Variants in AGBL1 observed in about 807,000 individuals in gnomAD.
AGBL1 encodes the protein AGBL carboxypeptidase 1, also known as cytosolic carboxypeptidase 4.
In AGBL1, 130 loss-of-function variants were observed where a neutral mutation model predicts 118.9. That is an observed-to-expected ratio of 1.09 (90% CI 0.95 to 1.26). The LOEUF (loss-of-function observed/expected upper bound fraction) is 1.26. AGBL1 is among the 50% of genes most tolerant of loss of function. AGBL1 has a pLI of 0.00. For missense variants in AGBL1, 1,584 were observed against 1,298.1 expected (o/e 1.22, Z -3.38); for synonymous variants, 555 against 478.9 (o/e 1.16, Z -2.08).
intron 18 of AGBL1, among the ~76,000 whole-genome samples, chr15:86,413,142 A>C (rs1245659922): frequency 6.6e-6 from 1 of 152,180 alleles, no homozygotes; most frequent in East Asian, 1.9e-4. Flanking sequence ...GACATCTTAC[A>C]TTTCAACAAA....
chr15:86,854,695 G>A (rs903804502), intron 22 of AGBL1, among the ~76,000 whole-genome samples: 1 of 152,096 alleles, frequency 6.6e-6, no homozygotes, highest in African/African-American at 2.4e-5. Flanking sequence ...AAAGGCCATT[G>A]ATAAATGTTC....
chr15:86,294,402 C>CAAA (rs35878636), intron 16 of AGBL1, among the ~76,000 whole-genome samples: 7 of 63,558 alleles, frequency 1.1e-4, no homozygotes, highest in African/African-American at 1.3e-4. Flanking sequence ...GACTTTGTCT[C>CAAA]AAAAAAAAAA....
At chr15:86,266,490 G>A (rs2079074268) in intron 12 of AGBL1, 33 bp downstream of exon 12, 3 of 1,473,824 alleles carry the variant, frequency 2.0e-6, no homozygotes, top group Non-Finnish European at 2.8e-6. Context: ...GGAAGGTGGG[G>A]CATGGAGAAT....
intron 18 of AGBL1, among the ~76,000 whole-genome samples, chr15:86,488,681 C>A (rs2142137579): frequency 6.6e-6 from 1 of 152,112 alleles, no homozygotes; most frequent in Middle Eastern, 3.4e-3. Flanking sequence ...TTTTCCATTC[C>A]TCCCTACATA....
At chr15:86,764,762 A>T (rs1468222171) in intron 22 of AGBL1, among the ~76,000 whole-genome samples, 1 of 152,084 alleles carries the variant, frequency 6.6e-6, no homozygotes, top group African/African-American at 2.4e-5. Flanking sequence ...AACTTATTTT[A>T]TAACTACGAA....
In AGBL1 at chr15:86,454,975, G is replaced by A. The variant is rs1032518219; in HGVS notation, c.2555+57429G>A. On this transcript the variant is annotated intron_variant, in intron 18 of 22. Coordinates refer to ENST00000614907, the MANE Select transcript of AGBL1 (RefSeq NM_001386094.1). The stretch of plus-strand genomic sequence containing the variant: ...TCCCACTGAAATCTTCAGTGGTCAA[G>A]CCGTCTGTCTACAGGCAGACTATTG... 3.3e-5 allele frequency among the ~76,000 whole-genome samples: 5 copies of A among 152,244 alleles called. No individual in the cohort carries two copies. In the East Asian group the frequency reaches 9.7e-4, roughly 29 times the overall value.
rs533885530 is a variant in AGBL1 at position 86,893,368 on chromosome 15, G to A, written c.3159-13719G>A. On this transcript the variant is annotated intron_variant, in intron 22 of 22. Transcript: ENST00000614907. ...TGATAAAAAGAATCCGCAAAACTGC[G>A]TTTAAATCACCATCAACATTAAGGA... is the stretch of plus-strand genomic sequence containing the variant. 1.5e-4 allele frequency among the ~76,000 whole-genome samples: 23 copies of A among 152,266 alleles called. No homozygotes were observed. The South Asian group carries it at 3.9e-3, about 26-fold the overall frequency.
At chr15:86,201,688 A>G (rs34683341) in intron 5 of AGBL1, among the ~76,000 whole-genome samples, 4 of 152,080 alleles carry the variant, frequency 2.6e-5, no homozygotes, top group Admixed American at 1.3e-4. Context: ...GGGGAGCACA[A>G]TGGAGCAGTG....
chr15:86,665,002 C>T (rs2085617714), intron 21 of AGBL1, among the ~76,000 whole-genome samples: 2 of 152,040 alleles, frequency 1.3e-5, no homozygotes, highest in African/African-American at 4.8e-5. Context: ...GCAACCTCAT[C>T]GCGCATTTCT....
intron 23 of AGBL1, among the ~76,000 whole-genome samples, chr15:86,976,661 C>A (rs1207445790): frequency 1.3e-5 from 2 of 151,868 alleles, no homozygotes; most frequent in Non-Finnish European, 2.9e-5. Flanking sequence ...AGATGTAATA[C>A]CCAGCTCAAC....
At chr15:86,453,206 C>T (rs771682094) in intron 18 of AGBL1, among the ~76,000 whole-genome samples, 10 of 152,188 alleles carry the variant, frequency 6.6e-5, no homozygotes, top group Admixed American at 2.6e-4. Context: ...TGAATGAATA[C>T]GTGCTAAAGA....
chr15:86,118,905 T>A (rs896453944), intron 1 of AGBL1, among the ~76,000 whole-genome samples: 2 of 152,190 alleles, frequency 1.3e-5, no homozygotes, highest in African/African-American at 4.8e-5. Context: ...CATCCACTGC[T>A]TACCAGACAG....
chr15:86,947,838 G>A lies in AGBL1; in HGVS notation c.3222-40149G>A, dbSNP rs140566556. ...AAATAATTCATACAGATTATCTGAC[G>A]TTGTTTTTTCCTTTAGATTTTACAT... On this transcript the variant is annotated intron_variant, in intron 23 of 24. Coordinates refer to the AGBL1 transcript ENST00000441037. Among the ~76,000 whole-genome samples the A allele has an allele frequency of 1.8e-4, 28 of 152,220 alleles. No individual in the cohort carries two copies. In the East Asian group the frequency reaches 3.1e-3, roughly 17 times the overall value.
intron 22 of AGBL1, among the ~76,000 whole-genome samples, chr15:86,877,138 T>G (rs1396509887): frequency 1.3e-5 from 2 of 152,098 alleles, no homozygotes; most frequent in South Asian, 2.1e-4. Flanking sequence ...TCTGTTCAAA[T>G]GCATAAAAGC....
At chr15:86,928,579 C>T (rs867519556) in intron 23 of AGBL1, among the ~76,000 whole-genome samples, 6 of 152,290 alleles carry the variant, frequency 3.9e-5, no homozygotes, top group African/African-American at 4.8e-5. Context: ...TGTGGAAGAA[C>T]GTATGAGTCT....
At chr15:86,477,810 G>A (rs2082584208) in intron 18 of AGBL1, among the ~76,000 whole-genome samples, 1 of 152,166 alleles carries the variant, frequency 6.6e-6, no homozygotes, top group South Asian at 2.1e-4. Flanking sequence ...TATCCCTGAT[G>A]AACATTGATG....
At chr15:86,996,466 C>T (rs1213093155) in intron 24 of AGBL1, among the ~76,000 whole-genome samples, 1 of 152,132 alleles carries the variant, frequency 6.6e-6, no homozygotes, top group Non-Finnish European at 1.5e-5. Context: ...AGATTCACCC[C>T]TGTTCTTGCA....
chr15:86,600,759 T>C (rs2084480149), intron 21 of AGBL1, among the ~76,000 whole-genome samples: 1 of 152,174 alleles, frequency 6.6e-6, no homozygotes, highest in South Asian at 2.1e-4. Flanking sequence ...CCGAATCTGC[T>C]TTTATGGCTA....
chr15:86,131,668 C>G (rs943214497), intron 1 of AGBL1, among the ~76,000 whole-genome samples: 4 of 152,054 alleles, frequency 2.6e-5, no homozygotes, highest in Non-Finnish European at 5.9e-5. Flanking sequence ...ATAATATTGG[C>G]CAGGTGCGGT....
Sources: gnomAD v4.1 joint callset for allele counts (sites outside exome capture counted in the v4.1 genomes callset) on GRCh38, gnomAD v4.1.1 for gene constraint, MANE v1.5 for transcripts, NCBI Gene and HGNC (gene_info 2026-07-23, HGNC 2026-07-21) for gene names.